Variants in GPHN observed in about 807,000 individuals in gnomAD.
The protein encoded by GPHN is gephyrin.
In GPHN, 17 loss-of-function variants were observed where a neutral mutation model predicts 95.5. The observed-to-expected ratio is 0.18, with a 90% CI of 0.12 to 0.27. GPHN has a LOEUF of 0.27. Ranked by LOEUF, GPHN falls within the 10% of genes least tolerant of loss-of-function variation. GPHN has a pLI of 1.00. For missense variants in GPHN, 660 were observed against 978.1 expected (o/e 0.67, Z 4.34); for synonymous variants, 320 against 322.5 (o/e 0.99, Z 0.08).
chr14:66,961,931 TATATATATATATATATAC>T (rs1331267990), intron 8 of GPHN, among the ~76,000 whole-genome samples: 41 of 79,550 alleles, frequency 5.2e-4, no homozygotes, highest in African/African-American at 2.9e-3. Flanking sequence ...TATATATATA[TATATATATATATATATAC>T]ACATATCTCC....
the GPHN span, among the ~76,000 whole-genome samples, chr14:67,249,761 A>G: frequency 3.9e-5 from 6 of 152,220 alleles, no homozygotes; most frequent in African/African-American, 7.2e-5. Flanking sequence ...TGTCACAGAA[A>G]AGGTTTGAGA....
chr14:67,586,790 G>T, the GPHN span: 1 of 1,382,326 alleles, frequency 7.2e-7, no homozygotes, highest in Admixed American at 2.5e-5. Context: ...TTCTTAAGAA[G>T]GCCCCTTCCC....
rs184916529 is a variant in GPHN at position 66,723,159 on chromosome 14, C to A, written c.143+41974C>A. ...CTTTGCACTGCTGGGCTTAAGCATA[C>A]CTCCACAACCAACTAATTTTTTAAT... On this transcript the variant is annotated intron_variant, in intron 2 of 22. Transcript: ENST00000478722. Among the ~76,000 whole-genome samples the A allele has an allele frequency of 6.3e-3, 942 of 149,276 alleles. 9 individuals carry two copies. The highest frequency in any genetic ancestry group is 7.7e-3 in the Non-Finnish European group (523 of 67,916).
intron 10 of GPHN, among the ~76,000 whole-genome samples, chr14:67,051,208 G>A (rs540449021): frequency 3.3e-4 from 50 of 151,818 alleles, no homozygotes; most frequent in Non-Finnish European, 6.9e-4. Context: ...GAGCTCCTGC[G>A]GGGAGAGACG....
At chr14:67,077,105 A>G (rs72715340) in intron 11 of GPHN, among the ~76,000 whole-genome samples, 4,763 of 152,268 alleles carry the variant, frequency 0.031, 98 homozygotes, top group Middle Eastern at 0.048. Context: ...AAGTATAGAC[A>G]GTCACTGACT....
At chr14:66,536,238 A>G (rs1054780366) in intron 1 of GPHN, among the ~76,000 whole-genome samples, 3 of 152,206 alleles carry the variant, frequency 2.0e-5, no homozygotes, top group African/African-American at 7.2e-5. Context: ...GGTGTGAGCC[A>G]CTGCGCCCAG....
chr14:66,999,583 T>TA (rs1421660061), intron 9 of GPHN, among the ~76,000 whole-genome samples: 1 of 151,902 alleles, frequency 6.6e-6, no homozygotes, highest in East Asian at 1.9e-4. Flanking sequence ...GCTTTACGTT[T>TA]AGAATACATA....
At chr14:67,201,464 ACAATGATAGCTGC>A in the GPHN span, 2 of 455,918 alleles carry the variant, frequency 4.4e-6, no homozygotes, top group East Asian at 1.4e-4. Context: ...TCTAAACAGG[ACAATGATAGCTGC>A]CAGCAGTAGA....
At chr14:67,555,736 T>C in the GPHN span, 3 of 1,554,386 alleles carry the variant, frequency 1.9e-6, no homozygotes, top group Non-Finnish European at 2.6e-6. Context: ...CTGTGTGCAG[T>C]GTGTGCACAG....
At chr14:67,428,258 A>G in the GPHN span, among the ~76,000 whole-genome samples, 1 of 152,030 alleles carries the variant, frequency 6.6e-6, no homozygotes, top group Non-Finnish European at 1.5e-5. Flanking sequence ...CCAGACCCCC[A>G]TGGTCAGCTG....
At chr14:67,406,524 G>T in the GPHN span, among the ~76,000 whole-genome samples, 1 of 152,134 alleles carries the variant, frequency 6.6e-6, no homozygotes, top group African/African-American at 2.4e-5. Context: ...CATAGGGGAG[G>T]TGATGGGGAC....
At chr14:66,517,811 C>T (rs984920228) in intron 1 of GPHN, among the ~76,000 whole-genome samples, 49 of 152,012 alleles carry the variant, frequency 3.2e-4, no homozygotes, top group African/African-American at 1.1e-3. Context: ...CAAAGACCTA[C>T]ATGTAAGACA....
At chr14:67,054,871 G>T (rs1286274677) in intron 10 of GPHN, among the ~76,000 whole-genome samples, 1 of 152,192 alleles carries the variant, frequency 6.6e-6, no homozygotes, top group East Asian at 1.9e-4. Flanking sequence ...AATAAATGGT[G>T]CTGGGAGAAC....
At chr14:66,587,873 GCA>G (rs1229356766) in intron 1 of GPHN, among the ~76,000 whole-genome samples, 13 of 152,288 alleles carry the variant, frequency 8.5e-5, no homozygotes, top group African/African-American at 2.6e-4. Flanking sequence ...CCCCAGCACA[GCA>G]TTCGAGCTCT....
At chr14:67,025,191 A>C (rs2073862108) in intron 10 of GPHN, among the ~76,000 whole-genome samples, 1 of 152,188 alleles carries the variant, frequency 6.6e-6, no homozygotes, top group Non-Finnish European at 1.5e-5. Flanking sequence ...TAATCTAACT[A>C]AATTTGAAAA....
chr14:67,048,019 C>T (rs7155042), intron 10 of GPHN, among the ~76,000 whole-genome samples: 39,851 of 152,064 alleles, frequency 0.26, 10,712 homozygotes, highest in African/African-American at 0.66. Flanking sequence ...TGCATTTTAA[C>T]TGAGAAAAAT....
chr14:67,098,013 G>T (rs924839720), intron 12 of GPHN, among the ~76,000 whole-genome samples: 7 of 152,122 alleles, frequency 4.6e-5, no homozygotes, highest in Admixed American at 6.6e-5. Flanking sequence ...TTCACAAGTT[G>T]ATTTTACAGC....
intron 19 of GPHN, among the ~76,000 whole-genome samples, chr14:67,163,111 G>A (rs144817296): frequency 2.0e-4 from 30 of 152,164 alleles, no homozygotes; most frequent in African/African-American, 7.0e-4. Flanking sequence ...TTCAAGACCA[G>A]CCTGGGCACA....
intron 8 of GPHN, among the ~76,000 whole-genome samples, chr14:66,953,892 G>T (rs2068293627): frequency 6.6e-6 from 1 of 152,100 alleles, no homozygotes; most frequent in Admixed American, 6.5e-5. Flanking sequence ...AAAATTAGCT[G>T]GGCATAGTGG....
Sources: gnomAD v4.1 joint callset for allele counts (sites outside exome capture counted in the v4.1 genomes callset) on GRCh38, gnomAD v4.1.1 for gene constraint, MANE v1.5 for transcripts, NCBI Gene and HGNC (gene_info 2026-07-23, HGNC 2026-07-21) for gene names.